Variants in RFC3 observed in about 807,000 individuals in gnomAD.
RFC3 encodes the protein A1 38 kDa subunit.
RFC3 carries 41 observed loss-of-function variants against 45.1 expected under a neutral mutation model. That is an observed-to-expected ratio of 0.91 (90% confidence interval 0.71 to 1.18). The LOEUF (loss-of-function observed/expected upper bound fraction) is 1.18. Among genes scored for constraint, RFC3 ranks in the 50% most tolerant of loss-of-function variants. The pLI is 0.00. For synonymous variants in RFC3, 149 were observed against 144.0 expected, an observed-to-expected ratio of 1.03 and a Z score of -0.25; for missense variants, 423 against 428.1, an observed-to-expected ratio of 0.99 and a Z score of 0.10.
Position 33,950,072 on chromosome 13 carries a change from T to TACACAC in RFC3, c.880-15986_880-15981dup, listed in dbSNP as rs71196530. ...TTCTCCCTCTCTCTCTCTCTCGCTC[T>TACACAC]ACACACACACACACACACACACACA... On this transcript the variant is annotated intron_variant, in intron 8 of 8. Coordinates refer to the RFC3 transcript ENST00000434425. Among the ~76,000 whole-genome samples the TACACAC allele has an allele frequency of 8.3e-3, 1,199 of 144,922 alleles. 4 individuals carry two copies. The highest frequency in any genetic ancestry group is 0.014 in the African/African-American group (562 of 39,564).
intron 8 of RFC3, among the ~76,000 whole-genome samples, chr13:33,853,199 G>T (rs185331368): frequency 6.6e-6 from 1 of 152,224 alleles, no homozygotes; most frequent in African/African-American, 2.4e-5. Flanking sequence ...CATTTCCACA[G>T]ACTTTTAAGA....
At chr13:33,889,904 G>T (rs1256792439) in intron 8 of RFC3, among the ~76,000 whole-genome samples, 2 of 152,174 alleles carry the variant, frequency 1.3e-5, no homozygotes, top group Non-Finnish European at 2.9e-5. Context: ...CCTGTCATTT[G>T]TGTCAACATG....
downstream of RFC3, among the ~76,000 whole-genome samples, chr13:33,839,069 A>C (rs1411021940): frequency 6.6e-6 from 1 of 152,212 alleles, no homozygotes; most frequent in African/African-American, 2.4e-5. Context: ...CTTAGACATC[A>C]TGAGACTACA....
At chr13:33,910,410 C>T (rs1347557133) in intron 8 of RFC3, among the ~76,000 whole-genome samples, 1 of 152,030 alleles carries the variant, frequency 6.6e-6, no homozygotes, top group African/African-American at 2.4e-5. Flanking sequence ...GTGCTTGGCA[C>T]ATAGTAAGCA....
At chr13:33,880,839 C>G (rs1445350879) in intron 8 of RFC3, among the ~76,000 whole-genome samples, 3 of 152,076 alleles carry the variant, frequency 2.0e-5, no homozygotes, top group Non-Finnish European at 4.4e-5. Flanking sequence ...GGGCAGATCA[C>G]AAGGTCAGGA....
intron 8 of RFC3, among the ~76,000 whole-genome samples, chr13:33,859,744 G>T (rs1471528111): frequency 6.6e-6 from 1 of 152,140 alleles, no homozygotes; most frequent in African/African-American, 2.4e-5. Context: ...CATACGTAAT[G>T]GTGGATAAAT....
At chr13:33,856,584 C>A (rs576985366) in intron 8 of RFC3, among the ~76,000 whole-genome samples, 1 of 152,254 alleles carries the variant, frequency 6.6e-6, no homozygotes, top group African/African-American at 2.4e-5. Flanking sequence ...CTTAAGTAAG[C>A]AAGTCATGGA....
intron 8 of RFC3, among the ~76,000 whole-genome samples, chr13:33,915,638 C>G (rs1024066782): frequency 2.0e-5 from 3 of 151,900 alleles, no homozygotes; most frequent in Non-Finnish European, 4.4e-5. Flanking sequence ...GAATAGTTTC[C>G]CAGTCAGAAT....
intron 8 of RFC3, among the ~76,000 whole-genome samples, chr13:33,878,358 G>A (rs1182298095): frequency 1.3e-5 from 2 of 152,134 alleles, no homozygotes; most frequent in Non-Finnish European, 2.9e-5. Flanking sequence ...TGAGATTAAC[G>A]AGCTTTGGAA....
At chr13:33,834,326 A>C (rs2082132100) in intron 7 of RFC3, among the ~76,000 whole-genome samples, 1 of 132,408 alleles carries the variant, frequency 7.6e-6, no homozygotes. Context: ...ATATATATAT[A>C]TATATCTGTA....
intron 8 of RFC3, among the ~76,000 whole-genome samples, chr13:33,965,405 C>G (rs1029848490): frequency 1.3e-5 from 2 of 152,144 alleles, no homozygotes; most frequent in Admixed American, 6.5e-5. Flanking sequence ...ACATACTGTA[C>G]AGGTTTGTAG....
chr13:33,885,147 A>G lies in RFC3; in HGVS notation c.879+49930A>G, dbSNP rs186522709. ...TGGGCTGCACTAGTCAGTTTGAAAC[A>G]TGGCAGAATTTAACTCTATGTTATA... On this transcript the variant is annotated intron_variant, in intron 8 of 8. Coordinates refer to the RFC3 transcript ENST00000434425. Among the ~76,000 whole-genome samples the G allele has an allele frequency of 3.9e-4, 60 of 152,294 alleles. 1 individual carries two copies. The highest frequency in any genetic ancestry group is 7.2e-4 in the Non-Finnish European group (49 of 68,032).
intron 8 of RFC3, among the ~76,000 whole-genome samples, chr13:33,894,121 G>A (rs1280787497): frequency 2.0e-5 from 3 of 152,142 alleles, no homozygotes; most frequent in African/African-American, 7.2e-5. Context: ...ACAAACCACA[G>A]ACCCTTTGAA....
At chr13:33,881,505 C>T (rs1156259362) in intron 8 of RFC3, among the ~76,000 whole-genome samples, 1 of 152,038 alleles carries the variant, frequency 6.6e-6, no homozygotes, top group African/African-American at 2.4e-5. Context: ...CCTGAATGTC[C>T]CAATGGACCA....
chr13:33,929,140 A>G (rs980979108), intron 8 of RFC3, among the ~76,000 whole-genome samples: 1 of 152,102 alleles, frequency 6.6e-6, no homozygotes, highest in East Asian at 1.9e-4. Flanking sequence ...TGATACTGTA[A>G]ATTTACCACG....
intron 8 of RFC3, chr13:33,846,474 C>T (rs1372659009): frequency 1.3e-5 from 2 of 152,234 alleles, no homozygotes; most frequent in African/African-American, 4.8e-5. Flanking sequence ...GAGCAGGTCT[C>T]CAAGTTGCAA....
intron 8 of RFC3, among the ~76,000 whole-genome samples, chr13:33,915,418 A>G (rs2082726850): frequency 6.6e-6 from 1 of 152,174 alleles, no homozygotes; most frequent in Non-Finnish European, 1.5e-5. Flanking sequence ...CGTGGACCAT[A>G]AGGTTTATTT....
At chr13:33,960,951 T>A (rs2083053749) in intron 8 of RFC3, among the ~76,000 whole-genome samples, 1 of 152,180 alleles carries the variant, frequency 6.6e-6, no homozygotes, top group South Asian at 2.1e-4. Flanking sequence ...AGTCCCTACA[T>A]CACTAGCCAT....
intron 8 of RFC3, among the ~76,000 whole-genome samples, chr13:33,949,244 C>T (rs2082973841): frequency 1.3e-5 from 2 of 152,106 alleles, no homozygotes; most frequent in South Asian, 2.1e-4. Context: ...CCCACTTGCA[C>T]TCATTCTCTC....
Sources: allele counts gnomAD v4.1 joint callset (sites outside exome capture counted in the v4.1 genomes callset), GRCh38; gene constraint gnomAD v4.1.1; transcripts MANE v1.5; gene names NCBI Gene and HGNC (gene_info 2026-07-23, HGNC 2026-07-21).